The following CTNND2 variants were observed in gnomAD, a reference collection of about 807,000 sequenced individuals.
CTNND2 encodes catenin delta 2, also known as catenin delta-2.
CTNND2 carries 22 observed loss-of-function variants against 144.4 expected under a neutral mutation model. That is an observed-to-expected ratio of 0.15 (90% CI 0.11 to 0.22). The LOEUF (loss-of-function observed/expected upper bound fraction) is 0.22, where lower values mean the gene tolerates loss of function less well. Ranked by LOEUF, CTNND2 falls within the 10% of genes least tolerant of loss-of-function variation. The probability of loss-of-function intolerance (pLI) is 1.00; values close to 1 mark genes in which losing one functional copy is unlikely to be tolerated. For synonymous variants in CTNND2, 751 were observed against 695.6 expected (o/e 1.08, Z -1.25); for missense variants, 1,353 against 1,618.8 (o/e 0.84, Z 2.82).
chr5:10,984,574 TC>T lies in CTNND2; in HGVS notation c.3344-2729del, dbSNP rs1394696666. On this transcript the variant is annotated intron_variant, in intron 20 of 21. Transcript: ENST00000304623. ...AGCCTAGGATGTTAATACTGGAAGT[TC>T]TTTCCCCTCACTCGTTTAAACGAGA... Among the ~76,000 whole-genome samples, 45 of 152,298 alleles carry T rather than the reference TC, an allele frequency of 3.0e-4. No homozygotes were observed. The East Asian group carries it at 7.5e-3, about 25-fold the overall frequency.
chr5:11,143,412 G>A (rs959278555), intron 12 of CTNND2, among the ~76,000 whole-genome samples: 7 of 152,234 alleles, frequency 4.6e-5, no homozygotes, highest in South Asian at 2.1e-4. Flanking sequence ...AAAAAAACTC[G>A]TTCTGGGCCT....
At chr5:11,607,845 A>G (rs1030623369) in intron 2 of CTNND2, among the ~76,000 whole-genome samples, 6 of 152,186 alleles carry the variant, frequency 3.9e-5, no homozygotes, top group African/African-American at 1.4e-4. Flanking sequence ...ACCTTCTGCT[A>G]TGAGCAGAAA....
At chr5:11,053,983 T>C (rs1260355299) in intron 16 of CTNND2, among the ~76,000 whole-genome samples, 1 of 152,238 alleles carries the variant, frequency 6.6e-6, no homozygotes, top group African/African-American at 2.4e-5. Flanking sequence ...GATTTGTGCC[T>C]ACAATAAAAC....
intron 9 of CTNND2, among the ~76,000 whole-genome samples, chr5:11,260,756 G>A (rs1397245806): frequency 6.6e-6 from 1 of 152,076 alleles, no homozygotes; most frequent in Non-Finnish European, 1.5e-5. Flanking sequence ...AATTTTGAGG[G>A]ACACATTCAA....
intron 2 of CTNND2, among the ~76,000 whole-genome samples, chr5:11,685,306 C>T (rs993669376): frequency 9.9e-5 from 15 of 152,138 alleles, no homozygotes; most frequent in Non-Finnish European, 1.6e-4. Context: ...AAAACTTGTC[C>T]AATGTCTTTA....
intron 11 of CTNND2, among the ~76,000 whole-genome samples, chr5:11,194,928 T>C (rs1019809183): frequency 2.0e-5 from 3 of 151,964 alleles, no homozygotes; most frequent in African/African-American, 7.3e-5. Context: ...CACAGAAAAA[T>C]TGGGGGAAAA....
At chr5:11,259,816 G>C (rs1744676407) in intron 9 of CTNND2, among the ~76,000 whole-genome samples, 1 of 152,206 alleles carries the variant, frequency 6.6e-6, no homozygotes, top group South Asian at 2.1e-4. Flanking sequence ...GAGGCCATCA[G>C]TTTGTTGTTA....
chr5:11,160,062 T>C (rs992657), intron 11 of CTNND2, among the ~76,000 whole-genome samples: 1 of 152,214 alleles, frequency 6.6e-6, no homozygotes, highest in East Asian at 1.9e-4. Context: ...TCCATTTTAA[T>C]ACAATGGACC....
At chr5:11,110,707 C>G (rs1266862763) in intron 14 of CTNND2, 151 bp downstream of exon 14, 3 of 718,538 alleles carry the variant, frequency 4.2e-6, no homozygotes, top group Non-Finnish European at 6.8e-6. Flanking sequence ...ACCGTCTCAG[C>G]TGTGAAATTC....
intron 1 of CTNND2, among the ~76,000 whole-genome samples, chr5:11,752,637 G>C (rs779903211): frequency 1.3e-4 from 20 of 150,574 alleles, no homozygotes; most frequent in Non-Finnish European, 1.8e-4. Flanking sequence ...CTCCAGCTTT[G>C]TTCTTTTTGC....
At position 11,022,938 on chromosome 5, in the gene CTNND2, C is replaced by G. The variant is rs1271988484; in HGVS notation, c.2830G>C (p.Gly944Arg). The G allele has an allele frequency of 1.2e-6, 2 of 1,614,058 alleles. No homozygotes were observed. The highest frequency in any genetic ancestry group is 1.7e-6 in the Non-Finnish European group (2 of 1,180,038). Residue 944 changes from glycine (G) to arginine (R), a missense_variant, in exon 17 of 22, where the codon GGG (glycine) becomes CGG (arginine). Physicochemically the swap from Gly to Arg is moderately radical, Grantham distance 125 (BLOSUM62 -2). This residue lies in a region of CTNND2 where 459 missense variants were observed against 674.3 expected (regional missense o/e 0.68). Coordinates refer to ENST00000304623, the MANE Select transcript of CTNND2 (RefSeq NM_001332.4). ...CTTGCAGTGTTGTTGCTGTTGTTCC[C>G]TCCTGGAAGCCTGTGGACTAGGTCT... ...MRDLVHRLPG[G>R]NNSNNTASKA...
At chr5:11,120,501 GGGTAATGAGGCTCAGTATA>G (rs1754002422) in intron 12 of CTNND2, among the ~76,000 whole-genome samples, 1 of 147,980 alleles carries the variant, frequency 6.8e-6, no homozygotes, top group Non-Finnish European at 1.5e-5. Context: ...CTGTCCGCAG[GGGTAATGAGGCTCAGTATA>G]CATATAGACT....
rs148130911 is a variant in CTNND2 at position 11,511,901 on chromosome 5, C to T, written c.287+53043G>A. Among the ~76,000 whole-genome samples, 720 of 152,292 alleles carry T rather than the reference C, an allele frequency of 4.7e-3. 6 individuals carry two copies. The highest frequency in any genetic ancestry group is 0.017 in the African/African-American group (689 of 41,548). ...CCCCAGACTCATACTTCTGACTGCC[C>T]TTGGACATTACCAAAGAATTTGTTT... On this transcript the variant is annotated intron_variant, in intron 3 of 21. Coordinates refer to ENST00000304623, the MANE Select transcript of CTNND2 (RefSeq NM_001332.4).
At chr5:11,887,517 A>G (rs1285834145) in intron 1 of CTNND2, among the ~76,000 whole-genome samples, 1 of 151,988 alleles carries the variant, frequency 6.6e-6, no homozygotes, top group African/African-American at 2.4e-5. Context: ...CAAAAAAAAA[A>G]ACTTCTAGTG....
intron 5 of CTNND2, among the ~76,000 whole-genome samples, chr5:11,404,599 A>ATTTTTTTT (rs1405789135): frequency 3.7e-4 from 12 of 32,762 alleles, no homozygotes; most frequent in Non-Finnish European, 9.6e-4. Flanking sequence ...CAGTATCTGT[A>ATTTTTTTT]TTCTTTTTTT....
intron 11 of CTNND2, among the ~76,000 whole-genome samples, chr5:11,170,591 T>TACAC (rs534408462): frequency 6.6e-6 from 1 of 151,228 alleles, no homozygotes; most frequent in African/African-American, 2.4e-5. Context: ...CACACACACA[T>TACAC]ACACACACAC....
At chr5:11,579,691 A>G (rs905934338) in intron 2 of CTNND2, among the ~76,000 whole-genome samples, 25 of 152,228 alleles carry the variant, frequency 1.6e-4, no homozygotes, top group African/African-American at 6.0e-4. Context: ...GAGTTCAAGT[A>G]CATGAATTCA....
intron 2 of CTNND2, among the ~76,000 whole-genome samples, chr5:11,565,630 T>A (rs928389342): frequency 6.6e-6 from 1 of 152,216 alleles, no homozygotes; most frequent in Non-Finnish European, 1.5e-5. Context: ...ACAGCCTCAT[T>A]ACTAAGTACA....
chr5:11,297,417 A>C (rs1280237566), intron 9 of CTNND2, among the ~76,000 whole-genome samples: 1 of 152,204 alleles, frequency 6.6e-6, no homozygotes, highest in Non-Finnish European at 1.5e-5. Context: ...ACAGAGACAG[A>C]TATGAGAATG....
Sources: allele counts gnomAD v4.1 joint callset (sites outside exome capture counted in the v4.1 genomes callset), GRCh38; gene constraint gnomAD v4.1.1; regional missense constraint gnomAD v4.1.1; transcripts MANE v1.5; gene names NCBI Gene and HGNC (gene_info 2026-07-23, HGNC 2026-07-21).